Variants in ANAPC10 observed in about 807,000 individuals in gnomAD.
The protein encoded by ANAPC10 is anaphase-promoting complex subunit 10.
ANAPC10 carries 12 observed loss-of-function variants against 22.0 expected under a neutral mutation model. The observed-to-expected ratio is 0.55, with a 90% CI of 0.35 to 0.88. The LOEUF (loss-of-function observed/expected upper bound fraction) is 0.88, where lower values mean the gene tolerates loss of function less well. Among genes scored for constraint, ANAPC10 ranks in the 40% least tolerant of loss-of-function variants. The pLI, the probability that ANAPC10 is intolerant of heterozygous loss-of-function variation, is 0.01. For synonymous variants in ANAPC10, 65 were observed against 69.5 expected, an observed-to-expected ratio of 0.94 and a Z score of 0.32; for missense variants, 188 against 220.9, an observed-to-expected ratio of 0.85 and a Z score of 0.94.
At chr4:145,046,617 AAAT>A (rs1189499476) in intron 4 of ANAPC10, among the ~76,000 whole-genome samples, 2 of 152,110 alleles carry the variant, frequency 1.3e-5, no homozygotes. Flanking sequence ...ATGCCACAAA[AAAT>A]AATGCCACTG....
chr4:145,022,813 AT>A (rs1736146925), intron 4 of ANAPC10, among the ~76,000 whole-genome samples: 1 of 151,570 alleles, frequency 6.6e-6, no homozygotes, highest in Admixed American at 6.6e-5. Flanking sequence ...AAAAAAAAAA[AT>A]TAAAAACAGC....
At chr4:145,082,528 C>A (rs1746226864) in intron 2 of ANAPC10, among the ~76,000 whole-genome samples, 1 of 152,136 alleles carries the variant, frequency 6.6e-6, no homozygotes, top group South Asian at 2.1e-4. Flanking sequence ...TGACTAAGCA[C>A]AAAATCCTCA....
intron 4 of ANAPC10, among the ~76,000 whole-genome samples, chr4:145,041,622 T>C (rs937740132): frequency 6.6e-6 from 1 of 152,216 alleles, no homozygotes; most frequent in East Asian, 1.9e-4. Context: ...ATGCAAGATA[T>C]GTCTTGCTTA....
At position 145,036,655 on chromosome 4, in the gene ANAPC10, G is replaced by A. The variant is rs1027557722; in HGVS notation, c.327+27917C>T. The stretch of plus-strand genomic sequence containing the variant: ...ATGCCATCATACCCAGCTCTTTCAC[G>A]CTTTTAACCTACATACATGTTTTAC... On this transcript the variant is annotated intron_variant, in intron 4 of 4. Coordinates refer to ENST00000507656, the MANE Select transcript of ANAPC10 (RefSeq NM_001256706.2). Among the ~76,000 whole-genome samples, 6 of 151,970 alleles carry A rather than the reference G, an allele frequency of 3.9e-5. No individual in the cohort carries two copies. In the East Asian group the frequency reaches 9.6e-4, roughly 24 times the overall value.
intron 3 of ANAPC10, among the ~76,000 whole-genome samples, chr4:145,065,835 A>G (rs1743594645): frequency 6.6e-6 from 1 of 151,990 alleles, no homozygotes; most frequent in Non-Finnish European, 1.5e-5. Context: ...TATATAGAAA[A>G]AGACCTAGGT....
In ANAPC10 at chr4:145,026,987, A is replaced by AT. The variant is rs1186853327; in HGVS notation, c.328-31385dup. The stretch of plus-strand genomic sequence containing the variant: ...TATATATATATATATATATATATAT[A>AT]TTTTTTTTTTTTTTTTTTTTTTTTT... On this transcript the variant is annotated intron_variant, in intron 4 of 4. Transcript: ENST00000507656. 6.5e-4 allele frequency among the ~76,000 whole-genome samples: 10 copies of AT among 15,370 alleles called. 2 individuals carry two copies. The highest frequency in any genetic ancestry group is 9.0e-4 in the Non-Finnish European group (8 of 8,876). The allele number at this position is 15,370 out of a possible 152,430, so 10.1% of individuals were successfully genotyped here.
At chr4:145,094,562 G>A (rs1331298181) in intron 2 of ANAPC10, among the ~76,000 whole-genome samples, 5 of 152,130 alleles carry the variant, frequency 3.3e-5, no homozygotes, top group Non-Finnish European at 7.4e-5. Context: ...TGAGAGGATG[G>A]ATACAGGAGT....
intron 4 of ANAPC10, among the ~76,000 whole-genome samples, chr4:145,032,736 A>G (rs1281942922): frequency 6.6e-6 from 1 of 152,218 alleles, no homozygotes; most frequent in Non-Finnish European, 1.5e-5. Context: ...TGCCAGCAGC[A>G]GAGACCAACA....
chr4:145,092,755 C>A (rs1747883424), intron 2 of ANAPC10, among the ~76,000 whole-genome samples: 1 of 152,142 alleles, frequency 6.6e-6, no homozygotes, highest in African/African-American at 2.4e-5. Flanking sequence ...ACGTTCTACC[C>A]TCCTTCCAAA....
intron 4 of ANAPC10, among the ~76,000 whole-genome samples, chr4:145,038,047 T>C (rs550634249): frequency 6.6e-6 from 1 of 151,944 alleles, no homozygotes; most frequent in African/African-American, 2.4e-5. Context: ...TAAAAGGCCA[T>C]TTTATGACTG....
intron 4 of ANAPC10, among the ~76,000 whole-genome samples, chr4:145,034,048 T>G (rs1016439880): frequency 6.6e-6 from 1 of 152,208 alleles, no homozygotes; most frequent in Non-Finnish European, 1.5e-5. Context: ...TGTATTATGT[T>G]AGGCATAATT....
At chr4:145,038,331 G>T (rs1160211466) in intron 4 of ANAPC10, among the ~76,000 whole-genome samples, 9 of 151,798 alleles carry the variant, frequency 5.9e-5, no homozygotes, top group Admixed American at 5.9e-4. Flanking sequence ...TGGCCAACAT[G>T]GCAAAACCCC....
intron 4 of ANAPC10, among the ~76,000 whole-genome samples, chr4:145,054,121 A>C (rs1399570992): frequency 6.7e-6 from 1 of 149,622 alleles, no homozygotes; most frequent in Non-Finnish European, 1.5e-5. Flanking sequence ...GTTGGCCAGG[A>C]TGGTCTCCAT....
chr4:145,022,616 T>A (rs945756102), intron 4 of ANAPC10, among the ~76,000 whole-genome samples: 2 of 151,984 alleles, frequency 1.3e-5, no homozygotes, highest in African/African-American at 2.4e-5. Flanking sequence ...CTTACACATG[T>A]AACTAAACAT....
intron 4 of ANAPC10, among the ~76,000 whole-genome samples, chr4:145,045,270 C>T (rs565666207): frequency 3.9e-5 from 6 of 152,138 alleles, no homozygotes; most frequent in African/African-American, 1.4e-4. Flanking sequence ...TTAATTCTTT[C>T]TGGAATCCAA....
chr4:145,030,888 T>A (rs1737480204), intron 4 of ANAPC10, among the ~76,000 whole-genome samples: 1 of 152,144 alleles, frequency 6.6e-6, no homozygotes, highest in Non-Finnish European at 1.5e-5. Context: ...CCCGTTCAAC[T>A]CTCCCATCTG....
chr4:145,045,965 TTATC>T (rs1219256828), intron 4 of ANAPC10, among the ~76,000 whole-genome samples: 20 of 152,126 alleles, frequency 1.3e-4, no homozygotes, highest in African/African-American at 4.6e-4. Flanking sequence ...TATATTATGA[TTATC>T]TATGCTTTTG....
At chr4:145,075,534 A>C (rs1745068933) in intron 3 of ANAPC10, among the ~76,000 whole-genome samples, 1 of 151,866 alleles carries the variant, frequency 6.6e-6, no homozygotes, top group African/African-American at 2.4e-5. Context: ...TGTCAGAAGG[A>C]AGGCATTGAG....
At chr4:145,075,220 C>A (rs1049916601) in intron 3 of ANAPC10, among the ~76,000 whole-genome samples, 9 of 152,264 alleles carry the variant, frequency 5.9e-5, no homozygotes, top group Admixed American at 3.3e-4. Flanking sequence ...TCAACTAAAA[C>A]TGCTTAAATA....
Sources: gnomAD v4.1 joint callset for allele counts (sites outside exome capture counted in the v4.1 genomes callset) on GRCh38, gnomAD v4.1.1 for gene constraint, MANE v1.5 for transcripts, NCBI Gene and HGNC (gene_info 2026-07-23, HGNC 2026-07-21) for gene names.